Variants in LYSMD1 observed in about 807,000 individuals in gnomAD.
LYSMD1 encodes the protein lysM and putative peptidoglycan-binding domain-containing protein 1.
Under a neutral mutation model 19.3 loss-of-function variants are expected in LYSMD1, and 9 were observed. The observed-to-expected ratio is 0.47, with a 90% confidence interval of 0.28 to 0.81. The LOEUF (loss-of-function observed/expected upper bound fraction) is 0.81, where lower values mean the gene tolerates loss of function less well. LYSMD1 is among the 40% of genes least tolerant of loss of function. The pLI is 0.11. For missense variants in LYSMD1, 262 were observed against 279.8 expected (o/e 0.94, Z 0.45); for synonymous variants, 111 against 111.7 (o/e 0.99, Z 0.04).
the LYSMD1 span, among the ~76,000 whole-genome samples, chr1:151,152,648 C>T: frequency 2.0e-5 from 3 of 151,760 alleles, no homozygotes; most frequent in South Asian, 6.2e-4. Flanking sequence ...TGCAGTGAGC[C>T]GAGATCATGC....
the LYSMD1 span, among the ~76,000 whole-genome samples, chr1:151,152,257 C>T: frequency 3.3e-5 from 5 of 151,416 alleles, no homozygotes; most frequent in Non-Finnish European, 5.9e-5. Flanking sequence ...ATTAGCTGGG[C>T]GTGGTAGCGC....
chr1:151,158,532 A>C, downstream of LYSMD1: 1 of 639,378 alleles, frequency 1.6e-6, no homozygotes, highest in Non-Finnish European at 2.7e-6. Flanking sequence ...GGAGCAAGGC[A>C]TAGAGGACTG....
chr1:151,159,517 A>T, downstream of LYSMD1: 1 of 416,802 alleles, frequency 2.4e-6, no homozygotes, highest in Non-Finnish European at 4.6e-6. Flanking sequence ...TGAAACTTGG[A>T]TCTCTATTTC....
At chr1:151,158,720 G>T, downstream of LYSMD1, 1 of 1,608,156 alleles carries the variant, frequency 6.2e-7, no homozygotes, top group Non-Finnish European at 8.5e-7. Flanking sequence ...AGCTCAAAGA[G>T]CCTGGCACTG....
intron 2 of LYSMD1, 94 bp downstream of exon 2, chr1:151,161,642 G>T: frequency 6.7e-7 from 1 of 1,488,512 alleles, no homozygotes. Context: ...GCCTCTGTTG[G>T]CACTGTCCTT....
At chr1:151,158,859 C>T (rs370411904), downstream of LYSMD1, 1 of 1,614,234 alleles carries the variant, frequency 6.2e-7, no homozygotes, top group Non-Finnish European at 8.5e-7. Flanking sequence ...ACAGCCGGCC[C>T]CAGGCCCAGC....
In LYSMD1 at chr1:151,160,829, C is replaced by T; in HGVS notation, c.*53G>A. On this transcript the variant is annotated 3_prime_UTR_variant, in exon 3 of 3. Transcript: ENST00000368908. ...TTGAGCCTCACCTCAGGCTCCTCTC[C>T]CCCTGAAGTTTCTCTTTCAACATCT... 1.9e-6 allele frequency: 3 copies of T among 1,583,886 alleles called. No homozygotes were observed. Among genetic ancestry groups the T allele is most frequent in the South Asian group, 2.2e-5 (2 of 89,604 alleles).
chr1:151,159,070 G>A (rs1683339394), downstream of LYSMD1: 1 of 1,614,046 alleles, frequency 6.2e-7, no homozygotes, highest in Admixed American at 1.7e-5. Context: ...CGAGTGCCGG[G>A]ATGTGCTGCT....
At position 151,161,967 on chromosome 1, in the gene LYSMD1, C is replaced by A. The variant is rs761955171; in HGVS notation, c.314G>T (p.Gly105Val). 6.2e-7 allele frequency: 1 copy of A among 1,614,098 alleles called. No individual in the cohort carries two copies. Among genetic ancestry groups the A allele is most frequent in the South Asian group, 1.1e-5 (1 of 91,090 alleles). Residue 105 changes from glycine (G) to valine (V), a missense_variant, in exon 2 of 3, where the codon GGA (glycine) becomes GTA (valine). Transcript: ENST00000368908. ...NGLDSEEEKD[G>V]EEKVHPSNSE... is the part of the protein sequence containing the mutation. ...GTTACTTGGGTGTACTTTTTCCTCT[C>A]CATCTTTCTCTTCCTCAGAGTCCAA...
chr1:151,152,549 A>C, the LYSMD1 span, among the ~76,000 whole-genome samples: 1 of 149,512 alleles, frequency 6.7e-6, no homozygotes. Flanking sequence ...AAAATACAAA[A>C]ATTAGCCGGG....
chr1:151,149,708 A>C, the LYSMD1 span, among the ~76,000 whole-genome samples: 8 of 151,294 alleles, frequency 5.3e-5, no homozygotes, highest in Admixed American at 5.3e-4. Flanking sequence ...CCGAGATCGC[A>C]CCACTGCACT....
chr1:151,163,912 G>A (rs980370308), intron 1 of LYSMD1, among the ~76,000 whole-genome samples: 71 of 150,374 alleles, frequency 4.7e-4, no homozygotes, highest in Non-Finnish European at 9.0e-4. Flanking sequence ...GTGTGTGTGT[G>A]TCTCACTCTG....
At chr1:151,158,109 G>A (rs1363514128), downstream of LYSMD1, among the ~76,000 whole-genome samples, 1 of 152,140 alleles carries the variant, frequency 6.6e-6, no homozygotes. Context: ...CAGATCATGA[G>A]GTCAGGAGTT....
intron 1 of LYSMD1, among the ~76,000 whole-genome samples, chr1:151,162,955 C>T (rs948632335): frequency 1.3e-5 from 2 of 152,328 alleles, no homozygotes; most frequent in East Asian, 1.9e-4. Flanking sequence ...CACTACCCAC[C>T]TATGGCTCCG....
rs748769586 is a variant in LYSMD1, at chr1:151,161,880, T to C, written c.401A>G (p.Asn134Ser). The change falls in exon 2 of 3, where the codon AAT (asparagine) becomes AGT (serine). Residue 134 changes from asparagine (N) to serine (S), a missense_variant. Physicochemically the swap from Asn to Ser is conservative, Grantham distance 46 (BLOSUM62 1). Coordinates refer to ENST00000368908, the MANE Select transcript of LYSMD1 (RefSeq NM_212551.5). ...KKQETGAGRA[N>S]GEVLPTPGQE... ...GCCAGGTGTGGGGAGGACTTCACCA[T>C]TGGCACGTCCTGCTCCTGTCTCTTG... The C allele has an allele frequency of 1.1e-5, 18 of 1,613,964 alleles. No homozygotes were observed. The highest frequency in any genetic ancestry group is 5.0e-5 in the Admixed American group (3 of 59,972).
chr1:151,164,394 T>C (rs905529804), intron 1 of LYSMD1, among the ~76,000 whole-genome samples: 4 of 152,240 alleles, frequency 2.6e-5, no homozygotes, highest in Non-Finnish European at 5.9e-5. Context: ...CAACATTTGT[T>C]TGAGTGAGAT....
At position 151,160,824 on chromosome 1, in the gene LYSMD1, C is replaced by G; in HGVS notation, c.*58G>C. On this transcript the variant is annotated 3_prime_UTR_variant, in exon 3 of 3. Coordinates refer to ENST00000368908, the MANE Select transcript of LYSMD1 (RefSeq NM_212551.5). ...TGTTCTTGAGCCTCACCTCAGGCTCCTCTCCCCCTGAAGTTTCTCTTTCAA... is the reference window on the plus strand; with the variant it reads ...TGTTCTTGAGCCTCACCTCAGGCTCGTCTCCCCCTGAAGTTTCTCTTTCAA... 1 of 1,577,590 alleles carries G rather than the reference C, an allele frequency of 6.3e-7. No homozygotes were observed. Among genetic ancestry groups the G allele is most frequent in the Non-Finnish European group, 8.7e-7 (1 of 1,151,516 alleles).
At chr1:151,155,828 G>A (rs1021921957), downstream of LYSMD1, among the ~76,000 whole-genome samples, 9 of 151,814 alleles carry the variant, frequency 5.9e-5, no homozygotes, top group African/African-American at 1.9e-4. Flanking sequence ...TAGGCCCTGC[G>A]GGGTGCGTTG....
chr1:151,165,410 T>A lies in LYSMD1; in HGVS notation c.-152A>T. 1 of 1,426,666 alleles carries A rather than the reference T, an allele frequency of 7.0e-7. No homozygotes were observed. The allele number at this position is 1,426,666 out of a possible 1,614,324, so 88.4% of individuals were successfully genotyped here. ...CCCGCCTCCCCAGCACTACGCCATC[T>A]GCCCCCTCCCGGTTTCTCCTCCCTC... is the stretch of plus-strand genomic sequence containing the variant. On this transcript the variant is annotated 5_prime_UTR_variant, in exon 1 of 3. Transcript: ENST00000368908.
Sources: gnomAD v4.1 joint callset for allele counts (sites outside exome capture counted in the v4.1 genomes callset) on GRCh38, gnomAD v4.1.1 for gene constraint, MANE v1.5 for transcripts, NCBI Gene and HGNC (gene_info 2026-07-23, HGNC 2026-07-21) for gene names.